Variants in COL4A1 observed in about 807,000 individuals in gnomAD.
COL4A1 encodes collagen alpha-1(IV) chain.
In COL4A1, 40 loss-of-function variants were observed where a neutral mutation model predicts 216.6. That is an observed-to-expected ratio of 0.18 (90% CI 0.14 to 0.24). The LOEUF is 0.24. Among genes scored for constraint, COL4A1 ranks in the 10% least tolerant of loss-of-function variants. COL4A1 has a pLI of 1.00. For synonymous variants in COL4A1, 839 were observed against 810.7 expected (o/e 1.03, Z -0.59); for missense variants, 1,628 against 2,196.8 (o/e 0.74, Z 5.18).
At chr13:110,180,272 G>C (rs150947500) in intron 29 of COL4A1, among the ~76,000 whole-genome samples, 1 of 152,214 alleles carries the variant, frequency 6.6e-6, no homozygotes, top group South Asian at 2.1e-4. Context: ...AAGATGATCC[G>C]CAAGTTGCCG....
At chr13:110,209,152 G>T (rs900567191) in intron 11 of COL4A1, among the ~76,000 whole-genome samples, 8 of 7,174 alleles carry the variant, frequency 1.1e-3, no homozygotes, top group Non-Finnish European at 0.02. Flanking sequence ...AAAACTAAGG[G>T]AAATATCAGT....
At chr13:110,235,396 A>G (rs1566400487) in intron 2 of COL4A1, among the ~76,000 whole-genome samples, 1 of 152,230 alleles carries the variant, frequency 6.6e-6, no homozygotes, top group Non-Finnish European at 1.5e-5. Context: ...CACGCCTGTA[A>G]TCCCAGCACT....
At chr13:110,279,358 C>T (rs1883538633) in intron 1 of COL4A1, among the ~76,000 whole-genome samples, 1 of 152,216 alleles carries the variant, frequency 6.6e-6, no homozygotes, top group Non-Finnish European at 1.5e-5. Context: ...TGCTCCTCCC[C>T]ACAATACGGG....
intron 2 of COL4A1, among the ~76,000 whole-genome samples, chr13:110,219,226 G>C (rs666338): frequency 0.97 from 147,902 of 152,264 alleles, 71,991 homozygotes; most frequent in Middle Eastern, 1. Context: ...GGTCTGCTTT[G>C]CCTAAGAGGA....
intron 1 of COL4A1, among the ~76,000 whole-genome samples, chr13:110,300,108 AATTAG>A (rs1290743495): frequency 1.3e-5 from 2 of 152,202 alleles, no homozygotes; most frequent in South Asian, 2.1e-4. Flanking sequence ...ATCTTCCACC[AATTAG>A]ATTAGATATT....
intron 2 of COL4A1, among the ~76,000 whole-genome samples, chr13:110,219,514 A>C (rs1285947468): frequency 6.6e-6 from 1 of 151,896 alleles, no homozygotes; most frequent in Non-Finnish European, 1.5e-5. Flanking sequence ...CTAGCTTGAG[A>C]CAGTGAATAT....
At chr13:110,225,687 T>C (rs1360462848) in intron 2 of COL4A1, among the ~76,000 whole-genome samples, 1 of 152,208 alleles carries the variant, frequency 6.6e-6, no homozygotes. Flanking sequence ...GATTTAGGAA[T>C]CTTAATTTCA....
At chr13:110,196,658 T>C (rs892927517) in intron 21 of COL4A1, among the ~76,000 whole-genome samples, 14 of 152,240 alleles carry the variant, frequency 9.2e-5, no homozygotes, top group Non-Finnish European at 1.9e-4. Context: ...ATTCATTTTA[T>C]GCAGTGATTA....
intron 10 of COL4A1, chr13:110,209,687 T>A: frequency 1.5e-6 from 1 of 653,910 alleles, no homozygotes; most frequent in East Asian, 2.7e-5. Flanking sequence ...TTGAACTCAC[T>A]CCCACAGGCT....
intron 11 of COL4A1, among the ~76,000 whole-genome samples, chr13:110,209,117 T>C (rs1879650766): frequency 6.7e-6 from 1 of 149,930 alleles, no homozygotes; most frequent in South Asian, 2.2e-4. Flanking sequence ...TTTAAAAATT[T>C]ACAGTTTTTA....
intron 15 of COL4A1, among the ~76,000 whole-genome samples, chr13:110,206,338 T>C (rs1879514836): frequency 6.6e-6 from 1 of 152,184 alleles, no homozygotes; most frequent in African/African-American, 2.4e-5. Context: ...CTGTCTGGTG[T>C]TCTGGGTGGC....
At chr13:110,237,494 C>T (rs7993774) in intron 2 of COL4A1, among the ~76,000 whole-genome samples, 5,309 of 152,200 alleles carry the variant, frequency 0.035, 298 homozygotes, top group African/African-American at 0.12. Context: ...GGATGCTGCT[C>T]GACATCCTAC....
chr13:110,230,490 G>A (rs1025196005), intron 2 of COL4A1, among the ~76,000 whole-genome samples: 4 of 151,974 alleles, frequency 2.6e-5, no homozygotes, highest in African/African-American at 9.7e-5. Flanking sequence ...TGTGGTGGGA[G>A]GAACAGAAAG....
chr13:110,177,714 G>T, intron 33 of COL4A1, 128 bp downstream of exon 33: 2 of 938,064 alleles, frequency 2.1e-6, no homozygotes, highest in Non-Finnish European at 3.4e-6. Context: ...CCAGCCTTCT[G>T]CTTGATGTTC....
chr13:110,215,557 T>C (rs1880027748), intron 2 of COL4A1, among the ~76,000 whole-genome samples: 1 of 124,284 alleles, frequency 8.0e-6, no homozygotes, highest in South Asian at 2.5e-4. Flanking sequence ...TGAGACTCTG[T>C]CTCAAAAAAA....
chr13:110,255,088 G>T (rs1281555262), intron 1 of COL4A1, among the ~76,000 whole-genome samples: 1 of 152,202 alleles, frequency 6.6e-6, no homozygotes, highest in African/African-American at 2.4e-5. Context: ...CGCGGAGGAG[G>T]TCTGTGTGCC....
At chr13:110,297,155 T>C (rs958522624) in intron 1 of COL4A1, among the ~76,000 whole-genome samples, 1 of 152,146 alleles carries the variant, frequency 6.6e-6, no homozygotes, top group African/African-American at 2.4e-5. Context: ...AGGTTGTGAG[T>C]GGGGCTGAAT....
At chr13:110,197,499 C>A (rs997615765) in intron 21 of COL4A1, among the ~76,000 whole-genome samples, 1 of 152,166 alleles carries the variant, frequency 6.6e-6, no homozygotes, top group Admixed American at 6.5e-5. Flanking sequence ...TTGAGTGTCT[C>A]CAGGACTGCA....
intron 24 of COL4A1, chr13:110,191,743 T>C: frequency 3.2e-6 from 2 of 629,234 alleles, no homozygotes; most frequent in East Asian, 5.5e-5. Context: ...TCTGCTTTCC[T>C]TGATCTTTTC....
Sources: gnomAD v4.1 joint callset for allele counts (sites outside exome capture counted in the v4.1 genomes callset) on GRCh38, gnomAD v4.1.1 for gene constraint, MANE v1.5 for transcripts, NCBI Gene and HGNC (gene_info 2026-07-23, HGNC 2026-07-21) for gene names.